The following SH3D19 variants were observed in gnomAD, a reference collection of about 807,000 sequenced individuals.
The protein encoded by SH3D19 is SH3 domain-containing protein 19.
A neutral mutation model predicts 112.1 loss-of-function variants in SH3D19; 58 were observed. That is an observed-to-expected ratio of 0.52 (90% confidence interval 0.42 to 0.64). The LOEUF (loss-of-function observed/expected upper bound fraction) is 0.64, where lower values mean the gene tolerates loss of function less well. SH3D19 is among the 30% of genes least tolerant of loss of function. The pLI, the probability that SH3D19 is intolerant of heterozygous loss-of-function variation, is 0.00. For synonymous variants in SH3D19, 391 were observed against 448.5 expected, an observed-to-expected ratio of 0.87 and a Z score of 1.62; for missense variants, 1,090 against 1,263.4, an observed-to-expected ratio of 0.86 and a Z score of 2.08.
chr4:151,142,245 C>T (rs1400686836), intron 12 of SH3D19, among the ~76,000 whole-genome samples: 1 of 152,202 alleles, frequency 6.6e-6, no homozygotes, highest in Non-Finnish European at 1.5e-5. Context: ...ATATAACCCA[C>T]ATACAATAAA....
chr4:151,292,475 T>A (rs1038232056), intron 1 of SH3D19, among the ~76,000 whole-genome samples: 1 of 152,216 alleles, frequency 6.6e-6, no homozygotes, highest in African/African-American at 2.4e-5. Context: ...CCTATCTAAG[T>A]GGTTTAACTT....
At chr4:151,138,756 A>T (rs72723715) in intron 13 of SH3D19, among the ~76,000 whole-genome samples, 402 of 152,032 alleles carry the variant, frequency 2.6e-3, no homozygotes, top group Non-Finnish European at 3.9e-3. Context: ...TCTCATAGGT[A>T]AGTAAGCAGC....
rs567227516 is a variant in SH3D19 at position 151,249,043 on chromosome 4, A to T, written c.113-22957T>A. ...AAAACATTTAAGTGCATATTGCAAGATTGTTTTGAGATTTAAACAGATGTG... is the reference window on the plus strand; with the variant it reads ...AAAACATTTAAGTGCATATTGCAAGTTTGTTTTGAGATTTAAACAGATGTG... On this transcript the variant is annotated intron_variant, in intron 1 of 19. Transcript: ENST00000604030. Among the ~76,000 whole-genome samples, 77 of 152,360 alleles carry T rather than the reference A, an allele frequency of 5.1e-4. 3 individuals carry two copies. The South Asian group carries it at 0.015, about 30-fold the overall frequency.
chr4:151,126,804 G>GAAAAA (rs1221074463), intron 19 of SH3D19, among the ~76,000 whole-genome samples: 1 of 27,720 alleles, frequency 3.6e-5, no homozygotes, highest in Non-Finnish European at 7.0e-5. Flanking sequence ...TCTCAAAAAA[G>GAAAAA]AAAAAAAAAA....
chr4:151,283,360 A>G, intron 1 of SH3D19: 1 of 1,382,862 alleles, frequency 7.2e-7, no homozygotes, highest in Non-Finnish European at 1.0e-6. Flanking sequence ...CTATCTGTAA[A>G]TAACAGTGGA....
chr4:151,128,283 A>C lies in SH3D19; in HGVS notation c.2816T>G (p.Phe939Cys). The C allele has an allele frequency of 6.2e-7, 1 of 1,614,150 alleles. No individual in the cohort carries two copies. The highest frequency in any genetic ancestry group is 8.5e-7 in the Non-Finnish European group (1 of 1,180,006). Residue 939 changes from phenylalanine to cysteine, a missense_variant, in exon 18 of 20, where the codon TTC (phenylalanine) becomes TGC (cysteine). Physicochemically the swap from Phe to Cys is radical, Grantham distance 205 (BLOSUM62 -2). Transcript: ENST00000604030. ...FTAETSDDLSFKRGDRIQILE... is the reference protein window; with the variant it reads ...FTAETSDDLSCKRGDRIQILE... Reference sequence around the variant, plus strand: ...AATCTGGATCCGGTCTCCCCTCTTGAATGATAAGTCATCACTGGTCTCTGC... The same window carrying C: ...AATCTGGATCCGGTCTCCCCTCTTGCATGATAAGTCATCACTGGTCTCTGC...
intron 2 of SH3D19, among the ~76,000 whole-genome samples, chr4:151,197,487 C>T (rs1218829923): frequency 6.6e-6 from 1 of 152,196 alleles, no homozygotes; most frequent in African/African-American, 2.4e-5. Context: ...ATATTTGGAA[C>T]TGGGTTAGCA....
chr4:151,313,129 A>G (rs1729643476), intron 1 of SH3D19, among the ~76,000 whole-genome samples: 1 of 150,600 alleles, frequency 6.6e-6, no homozygotes, highest in African/African-American at 2.4e-5. Flanking sequence ...TCTACCCAAA[A>G]CCTACTACAT....
At chr4:151,312,724 C>T (rs372602427) in intron 1 of SH3D19, among the ~76,000 whole-genome samples, 9 of 151,910 alleles carry the variant, frequency 5.9e-5, no homozygotes, top group African/African-American at 2.2e-4. Flanking sequence ...CATGGAAGAA[C>T]CCCGTCTCTA....
intron 1 of SH3D19, chr4:151,262,644 C>T (rs1772463447): frequency 6.6e-6 from 1 of 151,520 alleles, no homozygotes; most frequent in Non-Finnish European, 1.5e-5. Flanking sequence ...CACCTCCTTC[C>T]CTTTGCTCTA....
At chr4:151,174,617 A>G (rs1759620352) in intron 7 of SH3D19, 53 bp downstream of exon 7, 1 of 1,466,174 alleles carries the variant, frequency 6.8e-7, no homozygotes, top group Admixed American at 2.5e-5. Flanking sequence ...AGTGCCATTT[A>G]AAATACCCTA....
intron 3 of SH3D19, among the ~76,000 whole-genome samples, chr4:151,183,749 T>C (rs1445808091): frequency 1.3e-5 from 2 of 152,174 alleles, no homozygotes; most frequent in Non-Finnish European, 2.9e-5. Context: ...ATCACAATAA[T>C]ATAAGAAACT....
At chr4:151,199,825 A>G (rs1241280572) in intron 2 of SH3D19, among the ~76,000 whole-genome samples, 2 of 152,172 alleles carry the variant, frequency 1.3e-5, no homozygotes, top group East Asian at 3.8e-4. Flanking sequence ...TATTTGTAAA[A>G]TCTTACTTTA....
At chr4:151,155,921 C>G (rs1358414523) in intron 9 of SH3D19, among the ~76,000 whole-genome samples, 1 of 151,912 alleles carries the variant, frequency 6.6e-6, no homozygotes, top group Non-Finnish European at 1.5e-5. Flanking sequence ...CTAGAAAAAC[C>G]TAAAGACTCT....
Position 151,159,276 on chromosome 4 carries a change from A to G in SH3D19, c.1719T>C (p.Ser573=), listed in dbSNP as rs779329210. Residue 573 remains serine, a synonymous_variant, in exon 9 of 20, where the codon TCT becomes TCC. Coordinates refer to ENST00000604030, the MANE Select transcript of SH3D19 (RefSeq NM_001378122.1). ...TTCTCTCAACATTACTGAGCTTTCC[A>G]GATACTGTACTGAAAGTGTTTCCAA... The part of the protein sequence containing the change: ...KPIGNTFSTV[S]GKLSNVERTR... 6.4e-7 allele frequency: 1 copy of G among 1,564,338 alleles called. No homozygotes were observed. Among genetic ancestry groups the G allele is most frequent in the South Asian group, 1.3e-5 (1 of 79,228 alleles).
chr4:151,285,763 A>G (rs1181561209), intron 1 of SH3D19, among the ~76,000 whole-genome samples: 2 of 152,076 alleles, frequency 1.3e-5, no homozygotes, highest in Non-Finnish European at 2.9e-5. Flanking sequence ...GCTACTTAGG[A>G]GACTGGGGCA....
At chr4:151,275,504 C>G (rs1773526927) in intron 1 of SH3D19, among the ~76,000 whole-genome samples, 1 of 152,194 alleles carries the variant, frequency 6.6e-6, no homozygotes, top group East Asian at 1.9e-4. Context: ...ATAGTTCTTA[C>G]CAAAATATCT....
intron 12 of SH3D19, among the ~76,000 whole-genome samples, chr4:151,143,057 T>G (rs560970579): frequency 1.3e-5 from 2 of 152,188 alleles, no homozygotes; most frequent in East Asian, 3.9e-4. Flanking sequence ...GGCAACATAG[T>G]GAGACCCTGT....
chr4:151,142,735 G>A (rs967472833), intron 12 of SH3D19, among the ~76,000 whole-genome samples: 2 of 151,922 alleles, frequency 1.3e-5, no homozygotes, highest in Non-Finnish European at 2.9e-5. Flanking sequence ...CAACATATTC[G>A]TAGAGATATT....
Sources: gnomAD v4.1 joint callset for allele counts (sites outside exome capture counted in the v4.1 genomes callset) on GRCh38, gnomAD v4.1.1 for gene constraint, MANE v1.5 for transcripts, NCBI Gene and HGNC (gene_info 2026-07-23, HGNC 2026-07-21) for gene names.